MUC5B: variants seen among roughly 807,000 people sequenced by gnomAD.
MUC5B encodes the protein mucin-5B.
MUC5B carries 116 observed loss-of-function variants against 376.9 expected under a neutral mutation model. That is an observed-to-expected ratio of 0.31 (90% confidence interval 0.26 to 0.36). The LOEUF (loss-of-function observed/expected upper bound fraction) is 0.36. MUC5B is among the 10% of genes least tolerant of loss of function. The pLI is 1.00. For missense variants in MUC5B, 7,165 were observed against 7,769.9 expected, an observed-to-expected ratio of 0.92 and a Z score of 2.93; for synonymous variants, 3,517 against 3,390.9, an observed-to-expected ratio of 1.04 and a Z score of -1.29.
chr11:1,254,401 C>T (rs1336180148), intron 34 of MUC5B, 50 bp downstream of exon 34: 7 of 1,584,066 alleles, frequency 4.4e-6, no homozygotes, highest in Non-Finnish European at 6.0e-6. Flanking sequence ...CCAACCGCAC[C>T]TGGGCAGGCC....
chr11:1,259,124 G>A (rs546803702), intron 44 of MUC5B, 63 bp downstream of exon 44: 22 of 1,397,774 alleles, frequency 1.6e-5, no homozygotes, highest in African/African-American at 8.2e-5. Flanking sequence ...AGTGAGACCC[G>A]AGGCACCTGC....
chr11:1,225,854 G>A, intron 2 of MUC5B, 117 bp downstream of exon 2: 1 of 1,003,430 alleles, frequency 1.0e-6, no homozygotes, highest in Non-Finnish European at 1.5e-6. Flanking sequence ...GACCCTCCCT[G>A]GGTCCCCTGC....
rs1862607391 is a variant in MUC5B, at chr11:1,249,580, A to T, written c.12700A>T (p.Thr4234Ser). The change falls in exon 31 of 49, where the codon ACC becomes TCC. Residue 4234 changes from threonine (T) to serine (S), a missense_variant. Transcript: ENST00000529681. ...CGGCCACTGCCCCAGCACCCCGGCC[A>T]CCAGCTCTACGGCCATGCCCTCCTC... is the stretch of plus-strand genomic sequence containing the variant. Reference protein sequence around the residue: ...NYGHCPSTPATSSTAMPSSTP... With the variant: ...NYGHCPSTPASSSTAMPSSTP... The T allele has an allele frequency of 4.3e-6, 7 of 1,612,404 alleles. No homozygotes were observed. Among genetic ancestry groups the T allele is most frequent in the Non-Finnish European group, 5.9e-6 (7 of 1,179,164 alleles).
At chr11:1,239,049 G>T in intron 26 of MUC5B, 22 bp downstream of exon 26, 3 of 1,566,752 alleles carry the variant, frequency 1.9e-6, no homozygotes, top group Non-Finnish European at 2.6e-6. Flanking sequence ...TCTGTCCGTG[G>T]TGCTGAAGGG....
chr11:1,228,278 C>T (rs1453583398), intron 7 of MUC5B, among the ~76,000 whole-genome samples: 1 of 152,218 alleles, frequency 6.6e-6, no homozygotes, highest in African/African-American at 2.4e-5. Context: ...GGGGCCTCCA[C>T]CTCCCCTCCT....
At position 1,251,402 on chromosome 11, in the gene MUC5B, C is replaced by A. The variant is rs967233400; in HGVS notation, c.14522C>A (p.Thr4841Asn). The A allele has an allele frequency of 6.2e-7, 1 of 1,612,484 alleles. No individual in the cohort carries two copies. The highest frequency in any genetic ancestry group is 1.7e-5 in the Admixed American group (1 of 59,970). The change falls in exon 31 of 49, where the codon ACC becomes AAC. Residue 4841 changes from threonine to asparagine, a missense_variant. This residue lies in a region of MUC5B where 730 missense variants were observed against 592.7 expected (regional missense o/e 1.23). Transcript: ENST00000529681. ...ATGSTATLSS[T>N]PGTTWILTEP... ...GGATCCACGGCCACCCTGTCCTCCA[C>A]CCCAGGGACCACCTGGATCCTCACA...
rs760639585 is a variant in MUC5B, at chr11:1,242,409, C to T, written c.5529C>T (p.Val1843=). The change falls in exon 31 of 49, where the codon GTC becomes GTT. Residue 1843 remains valine (V), a synonymous_variant. Transcript: ENST00000529681. ...ENYPEVSIDQ[V]GQVLTCSLET... Reference sequence around the variant, plus strand: ...ACCCCGAGGTAAGCATCGACCAGGTCGGGCAGGTGCTGACCTGCAGCCTGG... The same window carrying T: ...ACCCCGAGGTAAGCATCGACCAGGTTGGGCAGGTGCTGACCTGCAGCCTGG... 26 of 1,613,708 alleles carry T rather than the reference C, an allele frequency of 1.6e-5. No individual in the cohort carries two copies. The highest frequency in any genetic ancestry group is 6.7e-5 in the East Asian group (3 of 44,902).
At chr11:1,226,980 G>GGGGGGGC in intron 4 of MUC5B, 51 bp from the exon 5 acceptor site, 4 of 796,848 alleles carry the variant, frequency 5.0e-6, no homozygotes, top group Non-Finnish European at 8.1e-6. Context: ...GGTTGGGTGG[G>GGGGGGGC]CAGGCAGCCA....
chr11:1,241,120 C>A lies in MUC5B; in HGVS notation c.4240C>A (p.Pro1414Thr). 1 of 1,612,090 alleles carries A rather than the reference C, an allele frequency of 6.2e-7. No homozygotes were observed. Among genetic ancestry groups the A allele is most frequent in the East Asian group, 2.2e-5 (1 of 44,814 alleles). Residue 1414 changes from proline (P) to threonine (T), a missense_variant, in exon 31 of 49, where the codon CCC becomes ACC. Physicochemically the swap from Pro to Thr is conservative, Grantham distance 38 (BLOSUM62 -1). Transcript: ENST00000529681. ...GLMCANSQQS[P>T]PLCHDYELRV... Reference sequence around the variant, plus strand: ...GATGTGCGCCAACAGCCAACAGAGTCCCCCGCTCTGTCACGACTACGAGCT... The same window carrying A: ...GATGTGCGCCAACAGCCAACAGAGTACCCCGCTCTGTCACGACTACGAGCT...
chr11:1,245,334 C>T lies in MUC5B; in HGVS notation c.8454C>T (p.Thr2818=). ...ALSSPHPSSR[T]TESPPSPGTT... is the part of the protein sequence containing the mutation. ...CCAGCCCTCACCCTAGCAGCAGGAC[C>T]ACCGAGTCACCCCCTTCTCCAGGGA... Residue 2818 remains threonine, a synonymous_variant, in exon 31 of 49, where the codon ACC becomes ACT. Coordinates refer to ENST00000529681, the MANE Select transcript of MUC5B (RefSeq NM_002458.3). 6.3e-7 allele frequency: 1 copy of T among 1,595,292 alleles called. No individual in the cohort carries two copies. The highest frequency in any genetic ancestry group is 8.5e-7 in the Non-Finnish European group (1 of 1,171,172).
Position 1,234,720 on chromosome 11 carries a change from CGGGGGCGGGGAGGGCAGCGGG to C in MUC5B, c.2630+41_2630+61del. 3 of 48,760 alleles carry C rather than the reference CGGGGGCGGGGAGGGCAGCGGG, an allele frequency of 6.2e-5. No homozygotes were observed. The highest frequency in any genetic ancestry group is 6.9e-5 in the Non-Finnish European group (2 of 29,016). 3.0% of individuals were successfully genotyped at this position (48,760 alleles called of 1,614,324 possible). On this transcript the variant is annotated intron_variant, in intron 21 of 48. Coordinates refer to ENST00000529681, the MANE Select transcript of MUC5B (RefSeq NM_002458.3). This position sits in a 1 kb window ranked among gnomAD's most constrained non-coding sequence, Gnocchi z 6.3. ...TCTCGGAGGCAGCAGGTGGGGAGGG[CGGGGGCGGGGAGGGCAGCGGG>C]TGGGGAGGCAGCGGGCAGGGAGGGC...
At chr11:1,225,830 A>G in intron 2 of MUC5B, 93 bp downstream of exon 2, 1 of 1,267,190 alleles carries the variant, frequency 7.9e-7, no homozygotes, top group Non-Finnish European at 1.1e-6. Context: ...CCAAGCAGCC[A>G]TGCGTCTGAC....
intron 1 of MUC5B, 22 bp downstream of exon 1, chr11:1,223,215 C>T (rs1375953602): frequency 1.4e-6 from 1 of 709,518 alleles, no homozygotes; most frequent in Admixed American, 2.0e-5. Context: ...CCACTCCGCC[C>T]CCTCTCGATG....
In MUC5B at chr11:1,258,470, C is replaced by T; in HGVS notation, c.16593+103C>T. 2 of 1,393,242 alleles carry T rather than the reference C, an allele frequency of 1.4e-6. No homozygotes were observed. Among genetic ancestry groups the T allele is most frequent in the Admixed American group, 2.1e-5 (1 of 46,654 alleles). The allele number at this position is 1,393,242 out of a possible 1,614,324, so 86.3% of individuals were successfully genotyped here. A position where few individuals can be genotyped will look rare whatever the true frequency, so the allele number is the denominator to read the frequency against. ...CACTCCTTGTCTTGACATTCCTGCCCTGAGGGCCGATCCGCACAGGGGCCC... is the reference window on the plus strand; with the variant it reads ...CACTCCTTGTCTTGACATTCCTGCCTTGAGGGCCGATCCGCACAGGGGCCC... On this transcript the variant is annotated intron_variant, in intron 43 of 48. Transcript: ENST00000529681. This position sits in a 1 kb window ranked among gnomAD's most constrained non-coding sequence, Gnocchi z 5.5.
chr11:1,228,627 A>G lies in MUC5B; in HGVS notation c.838A>G (p.Ser280Gly). 1 of 1,534,012 alleles carries G rather than the reference A, an allele frequency of 6.5e-7. No individual in the cohort carries two copies. Among genetic ancestry groups the G allele is most frequent in the Non-Finnish European group, 8.7e-7 (1 of 1,146,166 alleles). Residue 280 changes from serine to glycine, a missense_variant, in exon 8 of 49, where the codon AGC becomes GGC. By Grantham distance (56) the Ser-to-Gly change is moderately conservative. Transcript: ENST00000529681. ...TGCGGAGTGCCACGCACTGGTGGACAGCACTGCGTACCTGGCCGCCTGCGC... is the reference window on the plus strand; with the variant it reads ...TGCGGAGTGCCACGCACTGGTGGACGGCACTGCGTACCTGGCCGCCTGCGC... ...AFAECHALVDSTAYLAACAQD... is the reference protein window; with the variant it reads ...AFAECHALVDGTAYLAACAQD...
At chr11:1,254,936 A>G in intron 35 of MUC5B, 56 bp downstream of exon 35, 1 of 1,288,750 alleles carries the variant, frequency 7.8e-7, no homozygotes, top group Non-Finnish European at 1.0e-6. Flanking sequence ...CTGACAACCC[A>G]GTGAGCATAG....
In MUC5B at chr11:1,226,193, C is replaced by T; in HGVS notation, c.128-12C>T. On this transcript the variant is annotated splice_polypyrimidine_tract_variant and intron_variant, in intron 2 of 48. Coordinates refer to ENST00000529681, the MANE Select transcript of MUC5B (RefSeq NM_002458.3). ...TGGCCACGTTCCTGGGGTGACCAGCCTTCACCCACAGGTGCCCCGACGTCC... is the reference window on the plus strand; with the variant it reads ...TGGCCACGTTCCTGGGGTGACCAGCTTTCACCCACAGGTGCCCCGACGTCC... 6.5e-7 allele frequency: 1 copy of T among 1,547,760 alleles called. No homozygotes were observed. The highest frequency in any genetic ancestry group is 1.2e-5 in the South Asian group (1 of 84,040).
At chr11:1,239,669 T>G in intron 27 of MUC5B, 103 bp downstream of exon 27, 1 of 1,492,940 alleles carries the variant, frequency 6.7e-7, no homozygotes, top group South Asian at 1.3e-5. Flanking sequence ...TCCCGTAAAC[T>G]GCACAATGCA....
intron 28 of MUC5B, 38 bp downstream of exon 28, chr11:1,239,981 GGCTGGGGA>G (rs1466598597): frequency 6.2e-7 from 1 of 1,609,296 alleles, no homozygotes; most frequent in Non-Finnish European, 8.5e-7. Flanking sequence ...GGGGGAGCAG[GGCTGGGGA>G]GCAGGCCCTG....
Sources: allele counts gnomAD v4.1 joint callset (sites outside exome capture counted in the v4.1 genomes callset), GRCh38; gene constraint gnomAD v4.1.1; regional missense constraint gnomAD v4.1.1; non-coding constraint Gnocchi (gnomAD v3.1); transcripts MANE v1.5; gene names NCBI Gene and HGNC (gene_info 2026-07-23, HGNC 2026-07-21).